PRH1: variants seen among roughly 807,000 people sequenced by gnomAD.
PRH1 encodes the protein salivary acidic proline-rich phosphoprotein 1/2.
In PRH1, 7 loss-of-function variants were observed where a neutral mutation model predicts 7.9. The observed-to-expected ratio is 0.89, with a 90% CI of 0.50 to 1.67. The LOEUF (loss-of-function observed/expected upper bound fraction) is 1.67. Ranked by LOEUF, PRH1 falls within the 40% of genes most tolerant of loss-of-function variation. PRH1 has a pLI of 0.00. For synonymous variants in PRH1, 45 were observed against 80.8 expected, an observed-to-expected ratio of 0.56 and a Z score of 2.38; for missense variants, 109 against 223.6, an observed-to-expected ratio of 0.49 and a Z score of 3.27.
At chr12:10,896,061 T>C (rs1949640411) in intron 2 of PRH1, among the ~76,000 whole-genome samples, 1 of 152,222 alleles carries the variant, frequency 6.6e-6, no homozygotes, top group Non-Finnish European at 1.5e-5. Context: ...TTGTAAAATA[T>C]ACAAGTTTTT....
intron 1 of PRH1, among the ~76,000 whole-genome samples, chr12:11,109,529 G>C (rs1945527496): frequency 6.6e-6 from 1 of 152,126 alleles, no homozygotes; most frequent in African/African-American, 2.4e-5. Context: ...AGGCAAACAA[G>C]GTCTGGAGTG....
intron 2 of PRH1, among the ~76,000 whole-genome samples, chr12:10,954,906 G>A (rs1436171942): frequency 3.3e-5 from 5 of 152,152 alleles, no homozygotes; most frequent in Non-Finnish European, 7.4e-5. Flanking sequence ...ATATGCACCT[G>A]ACAAAAGAAC....
At chr12:10,990,624 C>T (rs12296784) in intron 1 of PRH1, among the ~76,000 whole-genome samples, 1 of 151,998 alleles carries the variant, frequency 6.6e-6, no homozygotes, top group Non-Finnish European at 1.5e-5. Flanking sequence ...ATCAAATTTG[C>T]ATCTTCATAG....
At chr12:10,890,035 A>G (rs571036459) in intron 2 of PRH1, among the ~76,000 whole-genome samples, 1 of 152,260 alleles carries the variant, frequency 6.6e-6, no homozygotes, top group South Asian at 2.1e-4. Flanking sequence ...TCCTTGAGAA[A>G]TGGTCGATTT....
chr12:11,070,840 T>TA (rs796557512), intron 1 of PRH1, among the ~76,000 whole-genome samples: 1 of 101,492 alleles, frequency 9.9e-6, no homozygotes. Context: ...TTATTTGCGT[T>TA]GGCTTTTTCA....
intron 2 of PRH1, among the ~76,000 whole-genome samples, chr12:10,972,932 A>AAC (rs1938893473): frequency 1.3e-5 from 1 of 79,026 alleles, no homozygotes; most frequent in South Asian, 5.0e-4. Context: ...ACCACAACCC[A>AAC]CCCCCCCCGC....
chr12:11,126,674 C>T (rs1180066796), intron 1 of PRH1, among the ~76,000 whole-genome samples: 1 of 152,060 alleles, frequency 6.6e-6, no homozygotes, highest in Admixed American at 6.5e-5. Context: ...AAAGTAATTG[C>T]ACTGATTTAC....
chr12:11,114,752 AG>A (rs1432621000), intron 1 of PRH1, among the ~76,000 whole-genome samples: 1 of 152,190 alleles, frequency 6.6e-6, no homozygotes, highest in East Asian at 1.9e-4. Context: ...GATGGAGTTA[AG>A]GTGCAGAGTC....
chr12:11,086,278 T>C (rs1944693302), intron 1 of PRH1, among the ~76,000 whole-genome samples: 2 of 144,912 alleles, frequency 1.4e-5, no homozygotes, highest in Non-Finnish European at 3.1e-5. Flanking sequence ...AATACTTAAA[T>C]CTTAGTTATT....
intron 2 of PRH1, among the ~76,000 whole-genome samples, chr12:10,968,091 T>C (rs1345290712): frequency 6.7e-6 from 1 of 148,818 alleles, no homozygotes; most frequent in East Asian, 2.0e-4. Context: ...AAAAGAAAAA[T>C]AAATAAATAA....
chr12:11,107,661 G>A (rs1298521572), intron 1 of PRH1, among the ~76,000 whole-genome samples: 1 of 152,180 alleles, frequency 6.6e-6, no homozygotes, highest in Non-Finnish European at 1.5e-5. Flanking sequence ...AAAGCTGCAC[G>A]AATCAGGATT....
intron 2 of PRH1, among the ~76,000 whole-genome samples, chr12:10,971,672 T>C (rs1938820940): frequency 6.6e-6 from 1 of 152,142 alleles, no homozygotes; most frequent in Non-Finnish European, 1.5e-5. Context: ...ATTATATTAA[T>C]TTATACTTCT....
intron 2 of PRH1, among the ~76,000 whole-genome samples, chr12:10,956,161 A>T (rs1937944496): frequency 1.3e-5 from 2 of 151,500 alleles, no homozygotes; most frequent in South Asian, 4.2e-4. Flanking sequence ...ACATAGATTT[A>T]AAAAAAACAC....
intron 1 of PRH1, among the ~76,000 whole-genome samples, chr12:11,056,614 T>TC (rs1943371876): frequency 6.6e-6 from 1 of 152,136 alleles, no homozygotes; most frequent in Non-Finnish European, 1.5e-5. Flanking sequence ...GGTTAGGACT[T>TC]CAAGACCAGT....
At chr12:11,143,693 A>G (rs941025893) in intron 1 of PRH1, among the ~76,000 whole-genome samples, 1 of 152,234 alleles carries the variant, frequency 6.6e-6, no homozygotes, top group Admixed American at 6.5e-5. Flanking sequence ...CTATACTAAT[A>G]TTAGACAAAA....
In PRH1 at chr12:11,097,386, G is replaced by T. The variant is rs1451512045; in HGVS notation, n.124-50198C>A. ...GGTCTTACCTCTGTTTGACAGTTTGGTCCTAAAATCCGCTCTTTAGAAATA... is the reference window on the plus strand; with the variant it reads ...GGTCTTACCTCTGTTTGACAGTTTGTTCCTAAAATCCGCTCTTTAGAAATA... On this transcript the variant is annotated intron_variant and non_coding_transcript_variant, in intron 1 of 4. Coordinates refer to the PRH1 transcript ENST00000541977. 4 of 115,930 alleles carry T rather than the reference G, an allele frequency of 3.5e-5. 2 individuals carry two copies. The highest frequency in any genetic ancestry group is 1.2e-4 in the African/African-American group (4 of 34,302). 7.2% of individuals were successfully genotyped at this position (115,930 alleles called of 1,614,324 possible).
At chr12:11,099,674 G>A (rs1454073789) in intron 1 of PRH1, among the ~76,000 whole-genome samples, 2 of 152,064 alleles carry the variant, frequency 1.3e-5, no homozygotes, top group Non-Finnish European at 2.9e-5. Context: ...TCCAGCCTGG[G>A]CAACAGAGTG....
At chr12:10,946,480 T>A (rs1950489184) in intron 2 of PRH1, among the ~76,000 whole-genome samples, 1 of 152,180 alleles carries the variant, frequency 6.6e-6, no homozygotes, top group South Asian at 2.1e-4. Context: ...GTAGGGTAAG[T>A]AATAACATTC....
chr12:11,114,804 G>C (rs145301488), intron 1 of PRH1, among the ~76,000 whole-genome samples: 4 of 152,080 alleles, frequency 2.6e-5, no homozygotes, highest in Non-Finnish European at 1.5e-5. Flanking sequence ...TTGCTTATGC[G>C]AACAGTGCTA....
Sources: allele counts gnomAD v4.1 joint callset (sites outside exome capture counted in the v4.1 genomes callset), GRCh38; gene constraint gnomAD v4.1.1; transcripts MANE v1.5; gene names NCBI Gene and HGNC (gene_info 2026-07-23, HGNC 2026-07-21).